POMGNT2: variants seen among roughly 807,000 people sequenced by gnomAD.
The protein encoded by POMGNT2 is protein O-linked-mannose beta-1,4-N-acetylglucosaminyltransferase 2.
In POMGNT2, 32 loss-of-function variants were observed where a neutral mutation model predicts 37.8. The observed-to-expected ratio is 0.85, with a 90% confidence interval of 0.64 to 1.14. POMGNT2 has a LOEUF of 1.14. POMGNT2 is among the 50% of genes most tolerant of loss of function. The pLI is 0.00. For synonymous variants in POMGNT2, 340 were observed against 336.8 expected (o/e 1.01, Z -0.10); for missense variants, 705 against 780.6 (o/e 0.90, Z 1.15).
chr3:43,099,790 A>C (rs555110225), intron 1 of POMGNT2, among the ~76,000 whole-genome samples: 27 of 152,138 alleles, frequency 1.8e-4, no homozygotes, highest in African/African-American at 6.5e-4. Context: ...GAGGTGACAG[A>C]ATTAGGCTGA....
chr3:43,080,289 G>A lies in POMGNT2; in HGVS notation c.1143C>T (p.Ala381=). ...PDHYTPYKTL[A]MLPGMDLQYV... Reference sequence around the variant, plus strand: ...ACTGGAGGTCCATGCCAGGCAGCATGGCCAGCGTCTTATAGGGAGTGTAGT... The same window carrying A: ...ACTGGAGGTCCATGCCAGGCAGCATAGCCAGCGTCTTATAGGGAGTGTAGT... Residue 381 remains alanine (A), a synonymous_variant, in exon 2 of 2, where the codon GCC becomes GCT. Transcript: ENST00000344697. 2 of 1,614,214 alleles carry A rather than the reference G, an allele frequency of 1.2e-6. No individual in the cohort carries two copies. The highest frequency in any genetic ancestry group is 1.7e-6 in the Non-Finnish European group (2 of 1,180,024).
At chr3:43,096,122 T>A (rs764301990) in intron 1 of POMGNT2, among the ~76,000 whole-genome samples, 9 of 152,144 alleles carry the variant, frequency 5.9e-5, no homozygotes, top group Non-Finnish European at 7.3e-5. Context: ...GCGGAGGTAA[T>A]CAAACTAGGA....
chr3:43,091,812 A>T (rs987653616), intron 1 of POMGNT2, among the ~76,000 whole-genome samples: 3 of 152,238 alleles, frequency 2.0e-5, no homozygotes, highest in African/African-American at 7.2e-5. Context: ...AAAATGCGTA[A>T]CTTCAATCTA....
At chr3:43,088,740 C>A (rs564758480) in intron 1 of POMGNT2, among the ~76,000 whole-genome samples, 1 of 152,326 alleles carries the variant, frequency 6.6e-6, no homozygotes, top group East Asian at 1.9e-4. Context: ...GCTGACCATG[C>A]GGAAACCAGC....
chr3:43,095,882 C>T (rs1288231177), intron 1 of POMGNT2, among the ~76,000 whole-genome samples: 1 of 152,150 alleles, frequency 6.6e-6, no homozygotes. Flanking sequence ...ACGCACATCC[C>T]ACCCTACTTT....
chr3:43,101,918 TGGCAAGAAACGAGTC>T (rs141863470), intron 1 of POMGNT2, among the ~76,000 whole-genome samples: 1,746 of 150,662 alleles, frequency 0.012, 15 homozygotes, highest in Non-Finnish European at 0.02. Flanking sequence ...GGTGTGGGAG[TGGCAAGAAACGAGTC>T]CAGGTCTCTT....
In POMGNT2 at chr3:43,079,658, A is replaced by C; in HGVS notation, c.*31T>G. ...CCAGGGACGCTGAACTGCAGGAGCC[A>C]CCTTCCCGAGGCCAGGCTGTGGCCT... is the stretch of plus-strand genomic sequence containing the variant. On this transcript the variant is annotated 3_prime_UTR_variant, in exon 2 of 2. Coordinates refer to ENST00000344697, the MANE Select transcript of POMGNT2 (RefSeq NM_032806.6). 1.9e-6 allele frequency: 3 copies of C among 1,583,080 alleles called. No individual in the cohort carries two copies. The highest frequency in any genetic ancestry group is 2.6e-6 in the Non-Finnish European group (3 of 1,163,380).
In POMGNT2 at chr3:43,080,987, C is replaced by T. The variant is rs147163009; in HGVS notation, c.445G>A (p.Val149Met). Residue 149 changes from valine (V) to methionine (M), a missense_variant, in exon 2 of 2, where the codon GTG becomes ATG. Transcript: ENST00000344697. ...TTGGCGATGAGGGCCACGTCTGGCA[C>T]GAACACCGGCTTGGGCATGAAGCGC... ...ALRFMPKPVF[V>M]PDVALIANRF... is the part of the protein sequence containing the mutation. The T allele has an allele frequency of 6.2e-5, 100 of 1,614,094 alleles. No homozygotes were observed. Among genetic ancestry groups the T allele is most frequent in the Middle Eastern group, 1.6e-4 (1 of 6,084 alleles).
chr3:43,082,215 T>G (rs1195363005), intron 1 of POMGNT2, among the ~76,000 whole-genome samples: 1 of 152,170 alleles, frequency 6.6e-6, no homozygotes, highest in Non-Finnish European at 1.5e-5. Flanking sequence ...GTAATGACTT[T>G]TCCTTAAATG....
intron 1 of POMGNT2, among the ~76,000 whole-genome samples, chr3:43,099,222 G>A (rs1470807051): frequency 6.6e-6 from 1 of 152,148 alleles, no homozygotes; most frequent in Non-Finnish European, 1.5e-5. Context: ...TGAGAGGGTT[G>A]AACTGATCAA....
intron 1 of POMGNT2, among the ~76,000 whole-genome samples, chr3:43,099,304 G>C (rs78166462): frequency 6.6e-6 from 1 of 152,180 alleles, no homozygotes; most frequent in African/African-American, 2.4e-5. Flanking sequence ...TGCACAACAA[G>C]AGATCATCCA....
chr3:43,101,431 G>A (rs767274771), intron 1 of POMGNT2, among the ~76,000 whole-genome samples: 16 of 152,162 alleles, frequency 1.1e-4, no homozygotes, highest in Non-Finnish European at 1.8e-4. Flanking sequence ...ACTCCACAGC[G>A]GGGATAGGGC....
chr3:43,080,017 C>A lies in POMGNT2; in HGVS notation c.1415G>T (p.Arg472Leu). ...RRVVKGRPGP[R>L]KQKWTVGLYP... ...TAGGCCGACTGTCCACTTCTGCTTC[C>A]GTGGTCCTGGCCGGCCCTTCACCAC... Residue 472 changes from arginine to leucine, a missense_variant, in exon 2 of 2, where the codon CGG (arginine) becomes CTG (leucine). By Grantham distance (102) the Arg-to-Leu change is moderately radical (BLOSUM62 -2). Transcript: ENST00000344697. 1.2e-6 allele frequency: 2 copies of A among 1,613,932 alleles called. No individual in the cohort carries two copies. Among genetic ancestry groups the A allele is most frequent in the South Asian group, 2.2e-5 (2 of 91,088 alleles).
chr3:43,084,358 T>C (rs2125702997), intron 1 of POMGNT2, among the ~76,000 whole-genome samples: 1 of 151,888 alleles, frequency 6.6e-6, no homozygotes, highest in Non-Finnish European at 1.5e-5. Flanking sequence ...AAAAAAAAAT[T>C]GTATTGGCCA....
Position 43,079,612 on chromosome 3 carries a change from T to G in POMGNT2, c.*77A>C, listed in dbSNP as rs2125699103. 1 of 1,326,256 alleles carries G rather than the reference T, an allele frequency of 7.5e-7. No individual in the cohort carries two copies. Among genetic ancestry groups the G allele is most frequent in the Middle Eastern group, 2.2e-4 (1 of 4,494 alleles). The allele number at this position is 1,326,256 out of a possible 1,614,324, so 82.2% of individuals were successfully genotyped here. ...GCTCAATAAATAGTTCCCAGAAGTC[T>G]CCACAGTGGGATTAATGGGCCCAGG... On this transcript the variant is annotated 3_prime_UTR_variant, in exon 2 of 2. Transcript: ENST00000344697.
intron 1 of POMGNT2, among the ~76,000 whole-genome samples, chr3:43,097,529 G>A (rs767723244): frequency 2.6e-5 from 4 of 152,032 alleles, no homozygotes; most frequent in Non-Finnish European, 4.4e-5. Flanking sequence ...AAAGGAAGCC[G>A]GGAGAGGGAG....
Position 43,080,560 on chromosome 3 carries a change from A to C in POMGNT2, c.872T>G (p.Val291Gly). 1 of 1,614,170 alleles carries C rather than the reference A, an allele frequency of 6.2e-7. No individual in the cohort carries two copies. Among genetic ancestry groups the C allele is most frequent in the Non-Finnish European group, 8.5e-7 (1 of 1,180,012 alleles). Residue 291 changes from valine to glycine, a missense_variant, in exon 2 of 2, where the codon GTC becomes GGC. Transcript: ENST00000344697. The part of the protein sequence containing the change: ...GVPLGEEYIL[V>G]FSRTQNRLIL... ...GAGTCTGTTCTGGGTTCGGCTAAAGACCAGAATGTACTCCTCGCCTAGGGG... is the reference window on the plus strand; with the variant it reads ...GAGTCTGTTCTGGGTTCGGCTAAAGCCCAGAATGTACTCCTCGCCTAGGGG...
At chr3:43,104,035 C>T (rs577613668) in intron 1 of POMGNT2, among the ~76,000 whole-genome samples, 24 of 152,296 alleles carry the variant, frequency 1.6e-4, no homozygotes, top group East Asian at 1.2e-3. Context: ...CTGTTTTACA[C>T]GCATTATCTC....
chr3:43,101,963 A>G (rs79762832), intron 1 of POMGNT2, among the ~76,000 whole-genome samples: 3,026 of 152,114 alleles, frequency 0.02, 106 homozygotes, highest in African/African-American at 0.069. Context: ...TAAATGGACT[A>G]AGGATGGAGT....
Sources: gnomAD v4.1 joint callset for allele counts (sites outside exome capture counted in the v4.1 genomes callset) on GRCh38, gnomAD v4.1.1 for gene constraint, MANE v1.5 for transcripts, NCBI Gene and HGNC (gene_info 2026-07-23, HGNC 2026-07-21) for gene names.